Variants in KDSR observed in about 807,000 individuals in gnomAD.
KDSR encodes 3-ketodihydrosphingosine reductase, also known as 3-dehydrosphinganine reductase.
A neutral mutation model predicts 41.3 loss-of-function variants in KDSR; 23 were observed. That is an observed-to-expected ratio of 0.56 (90% CI 0.40 to 0.79). KDSR has a LOEUF of 0.79. KDSR is among the 30% of genes least tolerant of loss of function. The pLI is 0.00. For missense variants in KDSR, 351 were observed against 416.8 expected, an observed-to-expected ratio of 0.84 and a Z score of 1.37; for synonymous variants, 138 against 151.7, an observed-to-expected ratio of 0.91 and a Z score of 0.66.
At chr18:63,353,785 G>T (rs1599333956) in intron 5 of KDSR, among the ~76,000 whole-genome samples, 1 of 152,066 alleles carries the variant, frequency 6.6e-6, no homozygotes, top group African/African-American at 2.4e-5. Flanking sequence ...ACAGAATACA[G>T]ATTGGTGGTT....
chr18:63,352,790 T>C (rs990338565), intron 5 of KDSR, among the ~76,000 whole-genome samples: 1 of 152,038 alleles, frequency 6.6e-6, no homozygotes, highest in African/African-American at 2.4e-5. Flanking sequence ...ATACAGAAGA[T>C]CATAAGTGAC....
chr18:63,336,282 G>A lies in KDSR; in HGVS notation c.778-924C>T, dbSNP rs558273136. Among the ~76,000 whole-genome samples, 17 of 152,138 alleles carry A rather than the reference G, an allele frequency of 1.1e-4. No homozygotes were observed. The East Asian group carries it at 1.9e-3, about 17-fold the overall frequency. ...TGAGCTCAAGCAATCCAGCCGCCTCGGCCTCCAAAAGTGCTGGGATTACAG... is the reference window on the plus strand; with the variant it reads ...TGAGCTCAAGCAATCCAGCCGCCTCAGCCTCCAAAAGTGCTGGGATTACAG... On this transcript the variant is annotated intron_variant, in intron 8 of 9. Coordinates refer to ENST00000645214, the MANE Select transcript of KDSR (RefSeq NM_002035.4).
intron 2 of KDSR, among the ~76,000 whole-genome samples, chr18:63,360,707 GC>G (rs1186773999): frequency 1.4e-5 from 2 of 141,776 alleles, no homozygotes; most frequent in Non-Finnish European, 3.1e-5. Context: ...ACATGGTGAA[GC>G]CCCGTCTCTA....
intron 5 of KDSR, among the ~76,000 whole-genome samples, chr18:63,353,129 C>T (rs949358862): frequency 1.3e-5 from 2 of 151,630 alleles, no homozygotes; most frequent in East Asian, 1.9e-4. Context: ...TGCAGTGACC[C>T]GAGATTGAGC....
chr18:63,357,179 T>A (rs1568282341), intron 3 of KDSR, among the ~76,000 whole-genome samples: 1 of 152,116 alleles, frequency 6.6e-6, no homozygotes, highest in African/African-American at 2.4e-5. Flanking sequence ...AAGTAAAAAG[T>A]CTGTCAATAC....
In KDSR at chr18:63,338,783, AC is replaced by A; in HGVS notation, c.777+16del. On this transcript the variant is annotated intron_variant, in intron 8 of 9. Coordinates refer to ENST00000645214, the MANE Select transcript of KDSR (RefSeq NM_002035.4). ...ACTACAAACACAAATAGTACAGAAA[AC>A]AAGGATTTTACTTACTATGGCATCT... 6.6e-7 allele frequency: 1 copy of A among 1,526,382 alleles called. No homozygotes were observed. The highest frequency in any genetic ancestry group is 9.1e-7 in the Non-Finnish European group (1 of 1,104,204). The allele number at this position is 1,526,382 out of a possible 1,614,324, so 94.6% of individuals were successfully genotyped here.
chr18:63,345,785 T>G (rs116955915), intron 6 of KDSR: 1 of 151,814 alleles, frequency 6.6e-6, no homozygotes, highest in East Asian at 1.9e-4. Flanking sequence ...TTAGTAAACA[T>G]GCAAAAATTA....
At chr18:63,360,236 C>A (rs1914922257) in intron 2 of KDSR, among the ~76,000 whole-genome samples, 1 of 152,106 alleles carries the variant, frequency 6.6e-6, no homozygotes. Flanking sequence ...TACTATAAAC[C>A]CAAACATAGT....
chr18:63,348,503 G>T (rs146253920), intron 6 of KDSR, among the ~76,000 whole-genome samples: 22 of 152,152 alleles, frequency 1.4e-4, no homozygotes, highest in African/African-American at 5.1e-4. Flanking sequence ...TTTGATGACT[G>T]CGTTCGTTTT....
intron 5 of KDSR, among the ~76,000 whole-genome samples, chr18:63,354,374 A>G (rs1914740480): frequency 6.6e-6 from 1 of 152,238 alleles, no homozygotes; most frequent in African/African-American, 2.4e-5. Flanking sequence ...TTTCCATTTT[A>G]AAAACATTTC....
intron 3 of KDSR, among the ~76,000 whole-genome samples, chr18:63,355,846 A>G (rs1238204250): frequency 6.6e-6 from 1 of 152,206 alleles, no homozygotes; most frequent in Admixed American, 6.5e-5. Context: ...ACAGCCAGGC[A>G]TGGAGGATGG....
chr18:63,366,859 G>A, intron 1 of KDSR, 152 bp downstream of exon 1: 1 of 407,972 alleles, frequency 2.5e-6, no homozygotes, highest in Non-Finnish European at 4.2e-6. Context: ...GGGGAAAAGC[G>A]CCGGGGTGGA....
chr18:63,355,504 T>C lies in KDSR; in HGVS notation c.315A>G (p.Ile105Met). The change falls in exon 4 of 10, where the codon ATA becomes ATG. Residue 105 changes from isoleucine (I) to methionine (M), a missense_variant. Physicochemically the swap from Ile to Met is conservative, Grantham distance 10. Transcript: ENST00000645214. Reference protein sequence around the residue: ...SQDYNQVENVIKQAQEKLGPV... With the variant: ...SQDYNQVENVMKQAQEKLGPV... ...AATTAGCCCAACCTCTTACTTGTTT[T>C]ATGACATTCTCTACTTGGTTATAGT... The C allele has an allele frequency of 6.2e-7, 1 of 1,612,556 alleles. No individual in the cohort carries two copies. The highest frequency in any genetic ancestry group is 1.3e-5 in the African/African-American group (1 of 74,952).
At chr18:63,332,727 G>A (rs1482039348) in intron 9 of KDSR, among the ~76,000 whole-genome samples, 1 of 151,792 alleles carries the variant, frequency 6.6e-6, no homozygotes, top group East Asian at 1.9e-4. Context: ...AGCTGCTGGG[G>A]AGGCTGAGGC....
At chr18:63,364,733 T>A (rs112545967) in intron 1 of KDSR, among the ~76,000 whole-genome samples, 1 of 152,202 alleles carries the variant, frequency 6.6e-6, no homozygotes. Context: ...AGTGAGCCAC[T>A]GTACCCGGCC....
intron 5 of KDSR, among the ~76,000 whole-genome samples, chr18:63,354,529 G>A (rs1349274336): frequency 6.6e-6 from 1 of 152,028 alleles, no homozygotes; most frequent in Non-Finnish European, 1.5e-5. Flanking sequence ...TTAGCTGGGT[G>A]TGGTGACATG....
chr18:63,366,813 C>A (rs942979794), intron 1 of KDSR, 198 bp downstream of exon 1: 2 of 388,534 alleles, frequency 5.1e-6, no homozygotes, highest in Non-Finnish European at 9.1e-6. Context: ...CCCGAGGCTG[C>A]GGAGGGCGGG....
Position 63,355,507 on chromosome 18 carries a change from G to A in KDSR, c.312C>T (p.Val104=), listed in dbSNP as rs2144371356. 1.9e-6 allele frequency: 3 copies of A among 1,612,334 alleles called. No homozygotes were observed. The South Asian group carries it at 3.3e-5, about 18-fold the overall frequency. ...VSQDYNQVEN[V]IKQAQEKLGP... Reference sequence around the variant, plus strand: ...TAGCCCAACCTCTTACTTGTTTTATGACATTCTCTACTTGGTTATAGTCTT... The same window carrying A: ...TAGCCCAACCTCTTACTTGTTTTATAACATTCTCTACTTGGTTATAGTCTT... Residue 104 remains valine (V), a synonymous_variant, in exon 4 of 10, where the codon GTC becomes GTT. Transcript: ENST00000645214.
At chr18:63,336,859 A>G (rs1401654803) in intron 8 of KDSR, among the ~76,000 whole-genome samples, 2 of 152,122 alleles carry the variant, frequency 1.3e-5, no homozygotes, top group Non-Finnish European at 2.9e-5. Context: ...CCAACTCCGT[A>G]TCTGTCTCAG....
Sources: allele counts gnomAD v4.1 joint callset (sites outside exome capture counted in the v4.1 genomes callset), GRCh38; gene constraint gnomAD v4.1.1; transcripts MANE v1.5; gene names NCBI Gene and HGNC (gene_info 2026-07-23, HGNC 2026-07-21).